Variants in RPS6KC1 observed in about 807,000 individuals in gnomAD.
RPS6KC1 encodes the protein inactive ribosomal protein S6 kinase delta-1.
RPS6KC1 carries 54 observed loss-of-function variants against 103.8 expected under a neutral mutation model. The observed-to-expected ratio is 0.52, with a 90% CI of 0.42 to 0.65. RPS6KC1 has a LOEUF of 0.65. RPS6KC1 is among the 30% of genes least tolerant of loss of function. The probability of loss-of-function intolerance (pLI) is 0.00; values close to 1 mark genes in which losing one functional copy is unlikely to be tolerated. For synonymous variants in RPS6KC1, 439 were observed against 438.7 expected (o/e 1.00, Z -0.01); for missense variants, 1,151 against 1,253.8 (o/e 0.92, Z 1.24).
At chr1:213,798,996 T>C in the RPS6KC1 span, among the ~76,000 whole-genome samples, 1 of 152,218 alleles carries the variant, frequency 6.6e-6, no homozygotes, top group Non-Finnish European at 1.5e-5. Flanking sequence ...AATTCTAATC[T>C]GACCTCAACT....
chr1:213,422,160 A>C, the RPS6KC1 span, among the ~76,000 whole-genome samples: 1 of 152,162 alleles, frequency 6.6e-6, no homozygotes, highest in African/African-American at 2.4e-5. Context: ...GTACCCGTTA[A>C]ACACCAGCTC....
chr1:213,307,488 A>G, the RPS6KC1 span, among the ~76,000 whole-genome samples: 2 of 152,110 alleles, frequency 1.3e-5, no homozygotes, highest in Non-Finnish European at 2.9e-5. Context: ...TGCCTACCTC[A>G]TTCCTCTGGC....
chr1:213,590,084 G>T, the RPS6KC1 span, among the ~76,000 whole-genome samples: 99 of 152,142 alleles, frequency 6.5e-4, no homozygotes, highest in African/African-American at 2.2e-3. Context: ...AAGACTGTTT[G>T]CCATACATAT....
At chr1:213,614,589 C>T in the RPS6KC1 span, among the ~76,000 whole-genome samples, 2 of 152,198 alleles carry the variant, frequency 1.3e-5, no homozygotes, top group African/African-American at 4.8e-5. Flanking sequence ...GCATTATTCC[C>T]AATTCCCAAA....
chr1:213,668,084 A>AT, the RPS6KC1 span, among the ~76,000 whole-genome samples: 2 of 152,198 alleles, frequency 1.3e-5, no homozygotes, highest in Admixed American at 6.5e-5. Context: ...TCCTGTTGAT[A>AT]TGGATATTTT....
chr1:213,862,363 A>T, the RPS6KC1 span, among the ~76,000 whole-genome samples: 2 of 152,164 alleles, frequency 1.3e-5, no homozygotes, highest in African/African-American at 4.8e-5. Context: ...GGAGGGTCAC[A>T]TTGGGTCTCA....
chr1:213,446,680 C>T, the RPS6KC1 span, among the ~76,000 whole-genome samples: 10 of 152,122 alleles, frequency 6.6e-5, no homozygotes, highest in African/African-American at 1.9e-4. Context: ...TAAGCCTGAC[C>T]GTCACACTCT....
intron 8 of RPS6KC1, among the ~76,000 whole-genome samples, chr1:213,194,228 G>A (rs753996761): frequency 3.9e-5 from 6 of 152,096 alleles, no homozygotes; most frequent in Non-Finnish European, 7.4e-5. Flanking sequence ...TTTCTTGTAG[G>A]CAAAGCAGCA....
At chr1:213,375,891 C>G in the RPS6KC1 span, among the ~76,000 whole-genome samples, 1 of 152,188 alleles carries the variant, frequency 6.6e-6, no homozygotes, top group African/African-American at 2.4e-5. Flanking sequence ...GACACATGGG[C>G]CCACAGCTGC....
the RPS6KC1 span, among the ~76,000 whole-genome samples, chr1:213,686,057 G>A: frequency 1.3e-5 from 2 of 152,078 alleles, no homozygotes; most frequent in Non-Finnish European, 2.9e-5. Context: ...GTTTTGGAGA[G>A]GAGTTAGACT....
chr1:213,372,473 G>C, the RPS6KC1 span, among the ~76,000 whole-genome samples: 1 of 152,184 alleles, frequency 6.6e-6, no homozygotes, highest in Non-Finnish European at 1.5e-5. Flanking sequence ...CCATCCTGTC[G>C]AGGGGGAGCA....
the RPS6KC1 span, among the ~76,000 whole-genome samples, chr1:213,656,042 T>C: frequency 1.3e-5 from 2 of 152,246 alleles, no homozygotes; most frequent in African/African-American, 2.4e-5. Flanking sequence ...TATATGGTGG[T>C]GACTTCCTGC....
chr1:213,222,416 A>G (rs1002515419), intron 8 of RPS6KC1, among the ~76,000 whole-genome samples: 9 of 152,302 alleles, frequency 5.9e-5, no homozygotes, highest in Admixed American at 3.3e-4. Context: ...AACTTATGAA[A>G]CCAAGGACAG....
At chr1:213,512,633 A>G in the RPS6KC1 span, among the ~76,000 whole-genome samples, 1 of 152,198 alleles carries the variant, frequency 6.6e-6, no homozygotes, top group Non-Finnish European at 1.5e-5. Flanking sequence ...CAAATTATCT[A>G]AGTGGGAAAG....
the RPS6KC1 span, among the ~76,000 whole-genome samples, chr1:213,284,790 G>A: frequency 1.3e-4 from 20 of 152,048 alleles, no homozygotes; most frequent in Non-Finnish European, 7.4e-5. Flanking sequence ...TTTACAGTAT[G>A]ACTAATACCA....
chr1:213,670,008 T>C, the RPS6KC1 span, among the ~76,000 whole-genome samples: 1 of 152,184 alleles, frequency 6.6e-6, no homozygotes, highest in Non-Finnish European at 1.5e-5. Flanking sequence ...TAATGTTGTG[T>C]TATTATCCTG....
chr1:213,725,422 C>T, the RPS6KC1 span, among the ~76,000 whole-genome samples: 1 of 152,222 alleles, frequency 6.6e-6, no homozygotes, highest in Non-Finnish European at 1.5e-5. Context: ...CGCTCGGCAG[C>T]CAGCAGATGC....
At chr1:213,851,500 C>T in the RPS6KC1 span, among the ~76,000 whole-genome samples, 1 of 152,140 alleles carries the variant, frequency 6.6e-6, no homozygotes. Context: ...CTCTTGACTC[C>T]AGGTTTTACT....
At chr1:213,828,813 G>C in the RPS6KC1 span, among the ~76,000 whole-genome samples, 2 of 152,122 alleles carry the variant, frequency 1.3e-5, no homozygotes, top group African/African-American at 4.8e-5. Flanking sequence ...CACAGTGGAT[G>C]GGTTATTTGG....
Sources: gnomAD v4.1 joint callset for allele counts (sites outside exome capture counted in the v4.1 genomes callset) on GRCh38, gnomAD v4.1.1 for gene constraint, MANE v1.5 for transcripts, NCBI Gene and HGNC (gene_info 2026-07-23, HGNC 2026-07-21) for gene names.